The following CDH22 variants were observed in gnomAD, a reference collection of about 807,000 sequenced individuals.
CDH22 encodes the protein cadherin 22.
CDH22 carries 30 observed loss-of-function variants against 58.4 expected under a neutral mutation model. The ratio of observed to expected loss-of-function variants is 0.51; its 90% confidence interval spans 0.38 to 0.70. CDH22 has a LOEUF of 0.70. CDH22 is among the 30% of genes least tolerant of loss of function. The pLI, the probability that CDH22 is intolerant of heterozygous loss-of-function variation, is 0.00. For synonymous variants in CDH22, 513 were observed against 558.2 expected (o/e 0.92, Z 1.14); for missense variants, 1,014 against 1,233.9 (o/e 0.82, Z 2.67).
At chr20:46,258,788 G>A (rs1372594692) in intron 1 of CDH22, among the ~76,000 whole-genome samples, 2 of 152,214 alleles carry the variant, frequency 1.3e-5, no homozygotes, top group Non-Finnish European at 2.9e-5. Context: ...CACTCTGTGG[G>A]ACACACACAG....
chr20:46,208,964 C>T (rs1357682815), intron 7 of CDH22, among the ~76,000 whole-genome samples: 2 of 152,228 alleles, frequency 1.3e-5, no homozygotes, highest in Non-Finnish European at 2.9e-5. Context: ...CTGGGCTAGG[C>T]CCTATGGGTA....
intron 1 of CDH22, among the ~76,000 whole-genome samples, chr20:46,254,630 G>A (rs1357030211): frequency 6.6e-6 from 1 of 151,394 alleles, no homozygotes; most frequent in Non-Finnish European, 1.5e-5. Flanking sequence ...ACAGATAATA[G>A]AGGAATTAAT....
At chr20:46,187,910 G>C (rs540133380) in intron 8 of CDH22, among the ~76,000 whole-genome samples, 3 of 152,082 alleles carry the variant, frequency 2.0e-5, no homozygotes, top group Non-Finnish European at 4.4e-5. Flanking sequence ...GACATGGGTC[G>C]GGGCAACTAA....
intron 1 of CDH22, among the ~76,000 whole-genome samples, chr20:46,301,819 T>C (rs1267678511): frequency 6.6e-6 from 1 of 152,064 alleles, no homozygotes; most frequent in Non-Finnish European, 1.5e-5. Flanking sequence ...CTCAAATATA[T>C]ATATAGTATA....
At position 46,178,017 on chromosome 20, in the gene CDH22, G is replaced by C; in HGVS notation, c.1844C>G (p.Ala615Gly). 6.2e-7 allele frequency: 1 copy of C among 1,614,118 alleles called. No homozygotes were observed. The highest frequency in any genetic ancestry group is 8.5e-7 in the Non-Finnish European group (1 of 1,180,020). The change falls in exon 11 of 12, where the codon GCC (alanine) becomes GGC (glycine). Residue 615 changes from alanine (A) to glycine (G), a missense_variant. Ala to Gly is a moderately conservative substitution (Grantham distance 60). Coordinates refer to ENST00000537909, the MANE Select transcript of CDH22 (RefSeq NM_021248.3). ...GCTGAGGGAGGCGGCCATGACAAAG[G>C]CCGTGGTGTTGCAGGACTGGATGGT... ...SGTIQSCNTT[A>G]FVMAASLSPG...
chr20:46,288,106 G>C (rs2086583992), intron 1 of CDH22, among the ~76,000 whole-genome samples: 1 of 152,176 alleles, frequency 6.6e-6, no homozygotes, highest in African/African-American at 2.4e-5. Context: ...CATTTATGTA[G>C]CTTAACATTC....
chr20:46,294,034 A>G (rs1478152873), intron 1 of CDH22, among the ~76,000 whole-genome samples: 1 of 152,094 alleles, frequency 6.6e-6, no homozygotes, highest in African/African-American at 2.4e-5. Context: ...AAACACTTAT[A>G]TTATGTTTAA....
chr20:46,288,584 CG>C (rs1477181771), intron 1 of CDH22, among the ~76,000 whole-genome samples: 4 of 152,166 alleles, frequency 2.6e-5, no homozygotes, highest in African/African-American at 9.7e-5. Flanking sequence ...TGTCTGAACC[CG>C]GACTCCTGAG....
At position 46,212,999 on chromosome 20, in the gene CDH22, T is replaced by C; in HGVS notation, c.1028A>G (p.Gln343Arg). 1 of 1,613,964 alleles carries C rather than the reference T, an allele frequency of 6.2e-7. No individual in the cohort carries two copies. The highest frequency in any genetic ancestry group is 1.1e-5 in the South Asian group (1 of 91,058). The change falls in exon 6 of 12, where the codon CAG becomes CGG. Residue 343 changes from glutamine to arginine, a missense_variant. Transcript: ENST00000537909. The part of the protein sequence containing the change: ...SDTQEAIIVV[Q>R]KRLDFESQPV... Reference sequence around the variant, plus strand: ...TTCCTCCTGAGGCAGCTGCACCTTCTGCACTACGATGATGGCCTCCTGAGT... The same window carrying C: ...TTCCTCCTGAGGCAGCTGCACCTTCCGCACTACGATGATGGCCTCCTGAGT...
chr20:46,191,713 A>C (rs1357528640), intron 8 of CDH22, among the ~76,000 whole-genome samples: 1 of 152,170 alleles, frequency 6.6e-6, no homozygotes, highest in African/African-American at 2.4e-5. Flanking sequence ...CTGGTTTTAA[A>C]GGGGAGTTTT....
intron 7 of CDH22, among the ~76,000 whole-genome samples, chr20:46,200,196 G>C (rs944134038): frequency 2.0e-5 from 3 of 151,780 alleles, no homozygotes; most frequent in Non-Finnish European, 4.4e-5. Flanking sequence ...GGATGGTCTT[G>C]ATCTCCTGAC....
At position 46,178,155 on chromosome 20, in the gene CDH22, C is replaced by G; in HGVS notation, c.1706G>C (p.Arg569Pro). 1 of 1,613,914 alleles carries G rather than the reference C, an allele frequency of 6.2e-7. No individual in the cohort carries two copies. The highest frequency in any genetic ancestry group is 8.5e-7 in the Non-Finnish European group (1 of 1,179,970). Residue 569 changes from arginine to proline, a missense_variant, in exon 11 of 12, where the codon CGG becomes CCG. This residue lies in a region of CDH22 where 806 missense variants were observed against 1,038.7 expected (regional missense o/e 0.78). Transcript: ENST00000537909. ...AVHTQHVGFN[R>P]QEQDVFFLPI... is the part of the protein sequence containing the mutation. ...CAGGAAGAACACGTCCTGCTCCTGC[C>G]GGTTGAAGCCCACGTGCTGCGTGTG... is the stretch of plus-strand genomic sequence containing the variant.
chr20:46,246,024 T>C (rs1314586487), intron 2 of CDH22, among the ~76,000 whole-genome samples: 3 of 152,130 alleles, frequency 2.0e-5, no homozygotes, highest in African/African-American at 7.2e-5. Flanking sequence ...CATCCCTTGA[T>C]CATAAACAAC....
chr20:46,188,428 A>G (rs2085841630), intron 8 of CDH22, among the ~76,000 whole-genome samples: 1 of 152,182 alleles, frequency 6.6e-6, no homozygotes, highest in Non-Finnish European at 1.5e-5. Flanking sequence ...CCATTATTGG[A>G]ACGCTAAGCA....
rs1280469048 is a variant in CDH22, at chr20:46,216,381, G to A, written c.838+445C>T. ...CTGCACAACCTCTATCTGTCTGGGG[G>A]CTGAGCTGCCTCTGCCTAGATCCCT... On this transcript the variant is annotated intron_variant, in intron 5 of 11. Transcript: ENST00000537909. This position sits in a 1 kb window ranked among gnomAD's most constrained non-coding sequence, Gnocchi z 5.3. Among the ~76,000 whole-genome samples the A allele has an allele frequency of 2.6e-5, 4 of 152,210 alleles. No individual in the cohort carries two copies. Among genetic ancestry groups the A allele is most frequent in the South Asian group, 2.1e-4 (1 of 4,828 alleles).
chr20:46,236,593 AATATATT>A (rs1053558828), intron 3 of CDH22, among the ~76,000 whole-genome samples: 13 of 143,024 alleles, frequency 9.1e-5, no homozygotes, highest in Non-Finnish European at 2.0e-4. Context: ...TATAATATAT[AATATATT>A]ATATATAGAT....
At chr20:46,228,553 G>C (rs1033233401) in intron 3 of CDH22, among the ~76,000 whole-genome samples, 2 of 152,098 alleles carry the variant, frequency 1.3e-5, no homozygotes, top group Non-Finnish European at 2.9e-5. Context: ...TAGACCAGGT[G>C]GGGGTGGGGG....
In CDH22 at chr20:46,194,599, G is replaced by C. The variant is rs1397738810; in HGVS notation, c.1423+4824C>G. Among the ~76,000 whole-genome samples the C allele has an allele frequency of 2.0e-5, 3 of 152,170 alleles. No homozygotes were observed. The East Asian group carries it at 5.8e-4, about 29-fold the overall frequency. On this transcript the variant is annotated intron_variant, in intron 8 of 11. Coordinates refer to ENST00000537909, the MANE Select transcript of CDH22 (RefSeq NM_021248.3). ...ATTAAGAGCACCTACTGTGTGTCAG[G>C]CACACAGTAGGCACCTGCGCTAGGC...
chr20:46,293,978 G>A (rs971971915), intron 1 of CDH22, among the ~76,000 whole-genome samples: 2 of 152,158 alleles, frequency 1.3e-5, no homozygotes, highest in African/African-American at 4.8e-5. Flanking sequence ...CTGCACCACT[G>A]CACTCCAGCC....
Sources: gnomAD v4.1 joint callset for allele counts (sites outside exome capture counted in the v4.1 genomes callset) on GRCh38, gnomAD v4.1.1 for gene constraint, gnomAD v4.1.1 regional missense constraint, Gnocchi (gnomAD v3.1) non-coding constraint, MANE v1.5 for transcripts, NCBI Gene and HGNC (gene_info 2026-07-23, HGNC 2026-07-21) for gene names.